The following GNG4 variants were observed in gnomAD, a reference collection of about 807,000 sequenced individuals.
GNG4 encodes guanine nucleotide-binding protein G(I)/G(S)/G(O) subunit gamma-4.
GNG4 carries 4 observed loss-of-function variants against 5.8 expected under a neutral mutation model. The observed-to-expected ratio is 0.69, with a 90% confidence interval of 0.34 to 1.57. GNG4 has a LOEUF of 1.57. Among genes scored for constraint, GNG4 ranks in the 40% most tolerant of loss-of-function variants. GNG4 has a pLI of 0.06. For missense variants in GNG4, 96 were observed against 95.1 expected (o/e 1.01, Z -0.04); for synonymous variants, 29 against 32.9 (o/e 0.88, Z 0.41).
intron 3 of GNG4, among the ~76,000 whole-genome samples, chr1:235,564,831 G>A (rs996376526): frequency 3.9e-5 from 6 of 152,070 alleles, no homozygotes; most frequent in Non-Finnish European, 7.4e-5. Flanking sequence ...GACCACAGGC[G>A]TGTGCCTCCA....
intron 1 of GNG4, among the ~76,000 whole-genome samples, chr1:235,627,427 T>C (rs1183081761): frequency 2.0e-5 from 3 of 152,058 alleles, no homozygotes; most frequent in Non-Finnish European, 4.4e-5. Context: ...TTCACCATAT[T>C]GGCCAGGCTG....
intron 2 of GNG4, among the ~76,000 whole-genome samples, chr1:235,589,228 G>A (rs568022152): frequency 2.0e-5 from 3 of 152,200 alleles, no homozygotes; most frequent in Non-Finnish European, 2.9e-5. Flanking sequence ...CACTGTACAG[G>A]CATGCTGGCG....
At chr1:235,564,114 C>T (rs1687133920) in intron 3 of GNG4, among the ~76,000 whole-genome samples, 1 of 152,138 alleles carries the variant, frequency 6.6e-6, no homozygotes, top group South Asian at 2.1e-4. Context: ...GTGTCCTTTG[C>T]AGCAGTATGA....
At chr1:235,641,750 G>T (rs1185960724) in intron 1 of GNG4, among the ~76,000 whole-genome samples, 1 of 152,028 alleles carries the variant, frequency 6.6e-6, no homozygotes, top group Non-Finnish European at 1.5e-5. Flanking sequence ...TTGGCTCCAC[G>T]TGCATCAGAT....
At chr1:235,568,139 T>G (rs1687245465) in intron 3 of GNG4, among the ~76,000 whole-genome samples, 1 of 142,446 alleles carries the variant, frequency 7.0e-6, no homozygotes, top group Non-Finnish European at 1.5e-5. Context: ...CAACATACTT[T>G]CCTTCTAATA....
At chr1:235,637,896 A>C (rs559299411) in intron 1 of GNG4, among the ~76,000 whole-genome samples, 12 of 152,326 alleles carry the variant, frequency 7.9e-5, no homozygotes, top group African/African-American at 2.9e-4. Flanking sequence ...ACTGGGCCCA[A>C]GGAGCTGACC....
At chr1:235,605,078 A>G (rs7555113) in intron 1 of GNG4, among the ~76,000 whole-genome samples, 33,386 of 152,126 alleles carry the variant, frequency 0.22, 4,384 homozygotes, top group Non-Finnish European at 0.3. Flanking sequence ...AATAGCTAAT[A>G]AGCAGCAAAA....
At chr1:235,641,718 ACTCCATCAACACTTTCACCTGTTGG>A (rs1657335669) in intron 1 of GNG4, among the ~76,000 whole-genome samples, 1 of 151,598 alleles carries the variant, frequency 6.6e-6, no homozygotes, top group African/African-American at 2.4e-5. Flanking sequence ...ATAATCTGTG[ACTCCATCAACACTTTCACCTGTTGG>A]CTCCACGTGC....
chr1:235,622,624 C>T (rs750801067), intron 1 of GNG4, among the ~76,000 whole-genome samples: 13 of 151,602 alleles, frequency 8.6e-5, no homozygotes, highest in Non-Finnish European at 1.6e-4. Context: ...TTTGGGAGGC[C>T]GAGGCGGGTG....
chr1:235,641,560 G>T (rs146814292), intron 1 of GNG4, among the ~76,000 whole-genome samples: 7 of 152,104 alleles, frequency 4.6e-5, no homozygotes, highest in African/African-American at 1.7e-4. Flanking sequence ...GCGTGGTGGC[G>T]GGCGCCTGTA....
At chr1:235,614,877 C>G (rs889387740) in intron 1 of GNG4, 1 of 152,288 alleles carries the variant, frequency 6.6e-6, no homozygotes, top group Non-Finnish European at 1.5e-5. Context: ...GCTCAACTAC[C>G]TGGAATTGGG....
At chr1:235,596,817 G>A (rs1688135228) in intron 1 of GNG4, among the ~76,000 whole-genome samples, 1 of 151,932 alleles carries the variant, frequency 6.6e-6, no homozygotes, top group African/African-American at 2.4e-5. Flanking sequence ...GCTTGAACTG[G>A]GCTCAAACGA....
intron 2 of GNG4, among the ~76,000 whole-genome samples, chr1:235,586,746 C>T (rs1687767887): frequency 1.3e-5 from 2 of 152,218 alleles, no homozygotes; most frequent in African/African-American, 4.8e-5. Flanking sequence ...TCCCCCTTCA[C>T]CTTCTGCATG....
At chr1:235,597,625 TGTGTA>T (rs1465223405) in intron 1 of GNG4, among the ~76,000 whole-genome samples, 20 of 99,942 alleles carry the variant, frequency 2.0e-4, no homozygotes, top group African/African-American at 3.6e-4. Context: ...TGTGTGTGTG[TGTGTA>T]TTTTTTTTTT....
chr1:235,608,533 C>G (rs563183625), intron 1 of GNG4, among the ~76,000 whole-genome samples: 1 of 152,130 alleles, frequency 6.6e-6, no homozygotes, highest in Non-Finnish European at 1.5e-5. Flanking sequence ...CTTCACTTCC[C>G]GCTCCTCCCA....
intron 1 of GNG4, among the ~76,000 whole-genome samples, chr1:235,611,899 C>G (rs1688484507): frequency 6.6e-6 from 1 of 151,498 alleles, no homozygotes; most frequent in African/African-American, 2.4e-5. Flanking sequence ...CTCATCTCTA[C>G]AAAAAATAAA....
At chr1:235,601,447 A>G (rs1688257015) in intron 1 of GNG4, among the ~76,000 whole-genome samples, 1 of 152,144 alleles carries the variant, frequency 6.6e-6, no homozygotes, top group Non-Finnish European at 1.5e-5. Flanking sequence ...AAAGAACTTG[A>G]CCTGGACTTT....
intron 1 of GNG4, among the ~76,000 whole-genome samples, chr1:235,609,934 C>T (rs1688444519): frequency 6.6e-6 from 1 of 152,166 alleles, no homozygotes; most frequent in Non-Finnish European, 1.5e-5. Flanking sequence ...GTCAACCTAA[C>T]TGCCTGTCAG....
intron 1 of GNG4, among the ~76,000 whole-genome samples, chr1:235,602,041 G>A (rs896965095): frequency 2.0e-5 from 3 of 152,196 alleles, no homozygotes; most frequent in African/African-American, 7.2e-5. Context: ...GGAGGCCGAG[G>A]CGGGTGGATC....
Sources: gnomAD v4.1 joint callset for allele counts (sites outside exome capture counted in the v4.1 genomes callset) on GRCh38, gnomAD v4.1.1 for gene constraint, MANE v1.5 for transcripts, NCBI Gene and HGNC (gene_info 2026-07-23, HGNC 2026-07-21) for gene names.